BRMS1: variants seen among roughly 807,000 people sequenced by gnomAD.
BRMS1 encodes BRMS1 transcriptional repressor and anoikis regulator.
A neutral mutation model predicts 40.4 loss-of-function variants in BRMS1; 26 were observed. The ratio of observed to expected loss-of-function variants is 0.64; its 90% CI spans 0.47 to 0.89. The LOEUF is 0.89. Among genes scored for constraint, BRMS1 ranks in the 40% least tolerant of loss-of-function variants. The pLI is 0.00. For missense variants in BRMS1, 289 were observed against 309.4 expected, an observed-to-expected ratio of 0.93 and a Z score of 0.49; for synonymous variants, 103 against 116.0, an observed-to-expected ratio of 0.89 and a Z score of 0.72.
In BRMS1 at chr11:66,341,063, G is replaced by GA. The variant is rs776901020; in HGVS notation, c.359-18dup. The GA allele has an allele frequency of 1.1e-5, 17 of 1,613,178 alleles. No homozygotes were observed. Among genetic ancestry groups the GA allele is most frequent in the African/African-American group, 2.7e-5 (2 of 74,904 alleles). ...TGTAGATCCCTGCAGAGAAAGGGAG[G>GA]AGGGTCCCTGCTTGGCTGGGGAGCC... On this transcript the variant is annotated splice_polypyrimidine_tract_variant and intron_variant, in intron 4 of 9. Coordinates refer to ENST00000359957, the MANE Select transcript of BRMS1 (RefSeq NM_015399.4). This position sits in a 1 kb window ranked among gnomAD's most constrained non-coding sequence, Gnocchi z 4.9.
chr11:66,338,590 C>T, intron 8 of BRMS1, 131 bp downstream of exon 8: 1 of 1,562,232 alleles, frequency 6.4e-7, no homozygotes, highest in Non-Finnish European at 8.6e-7. Flanking sequence ...CAACTGCGAT[C>T]CAGGGACTCT....
intron 8 of BRMS1, 124 bp from the exon 9 acceptor site, chr11:66,338,406 A>G (rs1854985586): frequency 6.6e-7 from 1 of 1,524,770 alleles, no homozygotes; most frequent in Non-Finnish European, 8.8e-7. Context: ...GACCGGGAGC[A>G]TAGGCCCCAC....
chr11:66,338,439 T>A (rs1464919261), intron 8 of BRMS1, 157 bp from the exon 9 acceptor site: 33 of 1,512,470 alleles, frequency 2.2e-5, no homozygotes, highest in Non-Finnish European at 4.4e-6. Flanking sequence ...CCCATGCTCC[T>A]GACTGCTGGC....
Position 66,340,883 on chromosome 11 carries a change from G to A in BRMS1, c.439-13C>T, listed in dbSNP as rs556188756. The A allele has an allele frequency of 2.5e-6, 4 of 1,613,822 alleles. No homozygotes were observed. The East Asian group carries it at 6.7e-5, about 27-fold the overall frequency. The stretch of plus-strand genomic sequence containing the variant: ...GCAGCTTCTCACTCTGGAAGAGGGG[G>A]CAATAGCTCAGCAGGACGGATGGGG... On this transcript the variant is annotated splice_polypyrimidine_tract_variant and intron_variant, in intron 5 of 9. Transcript: ENST00000359957.
intron 1 of BRMS1, 68 bp downstream of exon 1, chr11:66,344,904 G>C (rs571016432): frequency 4.6e-5 from 7 of 152,270 alleles, no homozygotes; most frequent in Admixed American, 4.6e-4. Context: ...CTCGGAGGAG[G>C]AGGTTGTGCC....
intron 9 of BRMS1, 49 bp from the exon 10 acceptor site, chr11:66,337,938 AG>A: frequency 6.3e-7 from 1 of 1,578,586 alleles, no homozygotes; most frequent in East Asian, 2.2e-5. Flanking sequence ...GGAAGCTGAA[AG>A]GAAGGAGGCA....
rs369578105 is a variant in BRMS1 at position 66,341,084 on chromosome 11, G to A, written c.359-38C>T. On this transcript the variant is annotated intron_variant, in intron 4 of 9. Coordinates refer to ENST00000359957, the MANE Select transcript of BRMS1 (RefSeq NM_015399.4). The surrounding 1 kb of genome is among the most constrained non-coding windows in gnomAD (Gnocchi z 4.9). ...GGAGGAGGGTCCCTGCTTGGCTGGG[G>A]AGCCCGGTGCCCACATAGGAGGGCT... 19 of 1,612,180 alleles carry A rather than the reference G, an allele frequency of 1.2e-5. No homozygotes were observed. The highest frequency in any genetic ancestry group is 1.6e-5 in the Non-Finnish European group (19 of 1,179,148).
At position 66,337,740 on chromosome 11, in the gene BRMS1, T is replaced by C. The variant is rs756860061; in HGVS notation, c.*142A>G. Reference sequence around the variant, plus strand: ...GAGTCCAGGCCAGTGCCAGATGGAGTGGGAGGGCCCAGCAGCACCACAGGA... The same window carrying C: ...GAGTCCAGGCCAGTGCCAGATGGAGCGGGAGGGCCCAGCAGCACCACAGGA... On this transcript the variant is annotated 3_prime_UTR_variant, in exon 10 of 10. Transcript: ENST00000359957. The C allele has an allele frequency of 6.2e-5, 100 of 1,611,842 alleles. 1 individual carries two copies. In the South Asian group the frequency reaches 1.0e-3, roughly 17 times the overall value.
In BRMS1 at chr11:66,337,471, G is replaced by T. The variant is rs1054356511; in HGVS notation, c.*411C>A. 1.8e-6 allele frequency: 1 copy of T among 565,146 alleles called. No individual in the cohort carries two copies. 35.0% of individuals were successfully genotyped at this position (565,146 alleles called of 1,614,324 possible). On this transcript the variant is annotated 3_prime_UTR_variant, in exon 10 of 10. Transcript: ENST00000359957. ...GGTGGACAGACCCCCAGATAATCAC[G>T]TCTGACTCAGAGTTCCCGCACAGTG...
Position 66,338,821 on chromosome 11 carries a change from C to A in BRMS1, c.629-36G>T, listed in dbSNP as rs1414081052. On this transcript the variant is annotated intron_variant, in intron 7 of 9. Transcript: ENST00000359957. The stretch of plus-strand genomic sequence containing the variant: ...GGTCAAGGAAGCCTAGTGGAGGTGG[C>A]AGGTGACGAGGGCAGGGCCACCCAC... 2.0e-6 allele frequency: 3 copies of A among 1,516,206 alleles called. No individual in the cohort carries two copies. In the African/African-American group the frequency reaches 4.2e-5, roughly 21 times the overall value. 93.9% of individuals were successfully genotyped at this position (1,516,206 alleles called of 1,614,324 possible).
chr11:66,340,203 A>G lies in BRMS1; in HGVS notation c.546T>C (p.Asp182=), dbSNP rs1784035. 1,604,498 of 1,613,274 alleles carry G rather than the reference A, an allele frequency of 0.99. 798,267 individuals carry two copies. Among genetic ancestry groups the G allele is most frequent in the East Asian group, 1 (44,852 of 44,858 alleles). ...QSLDLSSEWW[D]DKLHARGSSR... ...AGCTGCCTCTGGCGTGCAGTTTGTC[A>G]TCCCACCATTCTGCCCCGAGACCCA... Residue 182 remains aspartate (D), a synonymous_variant, in exon 7 of 10, where the codon GAT becomes GAC. Transcript: ENST00000359957.
intron 6 of BRMS1, 50 bp from the exon 7 acceptor site, chr11:66,340,263 C>G (rs1565205796): frequency 4.6e-6 from 7 of 1,513,514 alleles, no homozygotes; most frequent in Non-Finnish European, 6.4e-6. Context: ...ACAGGATACT[C>G]CCTTTTCTGT....
At chr11:66,339,867 G>C in intron 7 of BRMS1, 1 of 414,992 alleles carries the variant, frequency 2.4e-6, no homozygotes. Flanking sequence ...CTCCCAAAGT[G>C]CTGGGACTGT....
chr11:66,344,402 G>A (rs910962310), intron 1 of BRMS1, among the ~76,000 whole-genome samples: 1 of 152,156 alleles, frequency 6.6e-6, no homozygotes, highest in African/African-American at 2.4e-5. Flanking sequence ...TGACTTGAAA[G>A]GCTCGGTTCT....
chr11:66,341,809 T>C lies in BRMS1; in HGVS notation c.140-186A>G. 2 of 685,548 alleles carry C rather than the reference T, an allele frequency of 2.9e-6. No homozygotes were observed. The highest frequency in any genetic ancestry group is 1.8e-5 in the African/African-American group (1 of 56,828). 42.5% of individuals were successfully genotyped at this position (685,548 alleles called of 1,614,324 possible). A position where few individuals can be genotyped will look rare whatever the true frequency, so the allele number is the denominator to read the frequency against. On this transcript the variant is annotated intron_variant, in intron 2 of 9. Transcript: ENST00000359957. This position sits in a 1 kb window ranked among gnomAD's most constrained non-coding sequence, Gnocchi z 4.9. ...TGTGTGCTTGTGTGTAGGGGCTGTG[T>C]GTGCATATGCGTGCGTGCTTGTGTG...
intron 7 of BRMS1, chr11:66,339,848 C>A: frequency 2.8e-6 from 1 of 362,126 alleles, no homozygotes. Context: ...GCAATCTACC[C>A]GCCTTGGCCT....
At position 66,341,375 on chromosome 11, in the gene BRMS1, A is replaced by T; in HGVS notation, c.231-42T>A. The T allele has an allele frequency of 1.2e-6, 2 of 1,603,642 alleles. No homozygotes were observed. The highest frequency in any genetic ancestry group is 1.7e-6 in the Non-Finnish European group (2 of 1,171,834). On this transcript the variant is annotated intron_variant, in intron 3 of 9. Coordinates refer to ENST00000359957, the MANE Select transcript of BRMS1 (RefSeq NM_015399.4). The surrounding 1 kb of genome is among the most constrained non-coding windows in gnomAD (Gnocchi z 4.9). ...CAGCCGTGCACCCATTTGCTCACCC[A>T]TCGCTCTTGGGCAAACACATACCCA...
At chr11:66,338,316 C>T (rs377736292) in intron 8 of BRMS1, 34 bp from the exon 9 acceptor site, 22 of 1,591,894 alleles carry the variant, frequency 1.4e-5, no homozygotes, top group Non-Finnish European at 1.9e-5. Flanking sequence ...CCCCTGAGAG[C>T]CCACCTCCAG....
intron 6 of BRMS1, 115 bp downstream of exon 6, chr11:66,340,659 C>T: frequency 1.1e-6 from 1 of 869,666 alleles, no homozygotes; most frequent in Non-Finnish European, 1.8e-6. Flanking sequence ...CACACTGACC[C>T]CAACAGGCAG....
Sources: gnomAD v4.1 joint callset for allele counts (sites outside exome capture counted in the v4.1 genomes callset) on GRCh38, gnomAD v4.1.1 for gene constraint, Gnocchi (gnomAD v3.1) non-coding constraint, MANE v1.5 for transcripts, NCBI Gene and HGNC (gene_info 2026-07-23, HGNC 2026-07-21) for gene names.